NKD1: variants seen among roughly 807,000 people sequenced by gnomAD.
NKD1 encodes the protein NKD inhibitor of Wnt signaling pathway 1, also known as protein naked cuticle homolog 1.
In NKD1, 21 loss-of-function variants were observed where a neutral mutation model predicts 56.0. The ratio of observed to expected loss-of-function variants is 0.38; its 90% CI spans 0.27 to 0.54. The LOEUF (loss-of-function observed/expected upper bound fraction) is 0.54, where lower values mean the gene tolerates loss of function less well. NKD1 is among the 20% of genes least tolerant of loss of function. The pLI, the probability that NKD1 is intolerant of heterozygous loss-of-function variation, is 0.82. For synonymous variants in NKD1, 263 were observed against 265.7 expected (o/e 0.99, Z 0.10); for missense variants, 578 against 642.7 (o/e 0.90, Z 1.09).
intron 4 of NKD1, among the ~76,000 whole-genome samples, chr16:50,613,010 G>A (rs571189582): frequency 6.6e-6 from 1 of 152,288 alleles, no homozygotes; most frequent in South Asian, 2.1e-4. Context: ...TGGGGCTGGG[G>A]AGAGGTCCAT....
At chr16:50,630,797 G>T in intron 7 of NKD1, 29 bp from the exon 8 acceptor site, 1 of 1,556,794 alleles carries the variant, frequency 6.4e-7, no homozygotes. Context: ...CTCACCTGGT[G>T]TCTCCTGTGC....
In NKD1 at chr16:50,623,660, G is replaced by A. The variant is rs1295221998; in HGVS notation, c.367-1825G>A. Among the ~76,000 whole-genome samples, 2 of 152,000 alleles carry A rather than the reference G, an allele frequency of 1.3e-5. No homozygotes were observed. Among genetic ancestry groups the A allele is most frequent in the Non-Finnish European group, 2.9e-5 (2 of 67,992 alleles). On this transcript the variant is annotated intron_variant, in intron 5 of 9. Coordinates refer to ENST00000268459, the MANE Select transcript of NKD1 (RefSeq NM_033119.5). This position sits in a 1 kb window ranked among gnomAD's most constrained non-coding sequence, Gnocchi z 4.1. ...GACCCGCATGTGACAGGTGGGACAAGTGGCCAGTTACTCAACTCATGTTTC... is the reference window on the plus strand; with the variant it reads ...GACCCGCATGTGACAGGTGGGACAAATGGCCAGTTACTCAACTCATGTTTC...
chr16:50,571,433 G>A, intron 3 of NKD1: 1 of 971,698 alleles, frequency 1.0e-6, no homozygotes, highest in Non-Finnish European at 1.2e-6. Context: ...AGTTTCAAGT[G>A]CTCCGAAGAC....
At chr16:50,626,411 G>T (rs1022616127) in intron 6 of NKD1, among the ~76,000 whole-genome samples, 1 of 152,234 alleles carries the variant, frequency 6.6e-6, no homozygotes, top group South Asian at 2.1e-4. Context: ...ACAGAGACTG[G>T]CTGGAAGGTC....
rs576695198 is a variant in NKD1, at chr16:50,639,627, T to G, written c.*5846T>G. Reference sequence around the variant, plus strand: ...TGCAGCAGAGGATGAGGCTGGCGGATTTAGTAAGAGCCCTCTGTGTTTGGG... The same window carrying G: ...TGCAGCAGAGGATGAGGCTGGCGGAGTTAGTAAGAGCCCTCTGTGTTTGGG... On this transcript the variant is annotated 3_prime_UTR_variant, in exon 10 of 10. Transcript: ENST00000268459. 6.2e-4 allele frequency: 94 copies of G among 152,340 alleles called. 1 individual carries two copies. The highest frequency in any genetic ancestry group is 2.2e-3 in the African/African-American group (91 of 41,562). 9.4% of individuals were successfully genotyped at this position (152,340 alleles called of 1,614,324 possible). A position where few individuals can be genotyped will look rare whatever the true frequency, so the allele number is the denominator to read the frequency against.
intron 3 of NKD1, among the ~76,000 whole-genome samples, chr16:50,602,099 G>A (rs1030422929): frequency 3.3e-5 from 5 of 152,342 alleles, no homozygotes; most frequent in Middle Eastern, 3.4e-3. Flanking sequence ...TCAGCCTGCC[G>A]AGCTTGTAGG....
chr16:50,625,457 C>T, intron 5 of NKD1, 28 bp from the exon 6 acceptor site: 3 of 1,531,330 alleles, frequency 2.0e-6, no homozygotes, highest in Non-Finnish European at 2.7e-6. Flanking sequence ...AGATAGGGGA[C>T]CAGCCCCGCC....
chr16:50,571,380 G>A (rs969842409), intron 3 of NKD1: 1 of 586,048 alleles, frequency 1.7e-6, no homozygotes, highest in Non-Finnish European at 2.2e-6. Flanking sequence ...TGGAACCAGG[G>A]TTTGTGCACA....
chr16:50,594,819 G>A (rs1031187618), intron 3 of NKD1, among the ~76,000 whole-genome samples: 18 of 151,892 alleles, frequency 1.2e-4, no homozygotes, highest in Admixed American at 7.9e-4. Context: ...ACACAGACCC[G>A]GGGGGATCTG....
intron 3 of NKD1, among the ~76,000 whole-genome samples, chr16:50,585,728 A>T (rs988237933): frequency 2.6e-4 from 39 of 152,112 alleles, no homozygotes; most frequent in African/African-American, 9.2e-4. Flanking sequence ...GTGCTCTGTG[A>T]CACTGTGGTC....
At chr16:50,574,616 C>A in intron 3 of NKD1, 1 of 985,342 alleles carries the variant, frequency 1.0e-6, no homozygotes, top group African/African-American at 1.7e-5. Context: ...TGGCCTCCAG[C>A]GGGCAGGAGG....
intron 3 of NKD1, among the ~76,000 whole-genome samples, chr16:50,552,716 G>A (rs958915483): frequency 1.4e-4 from 21 of 152,216 alleles, no homozygotes; most frequent in African/African-American, 5.1e-4. Flanking sequence ...GGGTTATGAT[G>A]GGATTATAAC....
Position 50,640,019 on chromosome 16 carries a change from G to A in NKD1, c.*6238G>A, listed in dbSNP as rs1182888254. The A allele has an allele frequency of 1.3e-5, 2 of 152,186 alleles. No individual in the cohort carries two copies. Among genetic ancestry groups the A allele is most frequent in the African/African-American group, 4.8e-5 (2 of 41,414 alleles). The allele number at this position is 152,186 out of a possible 1,614,324, so 9.4% of individuals were successfully genotyped here. On this transcript the variant is annotated 3_prime_UTR_variant, in exon 10 of 10. Transcript: ENST00000268459. ...TCAGGCTTGGTTCCAAGCTTATGGG[G>A]GCCCTGTCCTTCCCCTAGTAGGGTT...
chr16:50,621,741 G>A, intron 5 of NKD1, 33 bp downstream of exon 5: 1 of 1,518,672 alleles, frequency 6.6e-7, no homozygotes, highest in South Asian at 1.2e-5. Flanking sequence ...GTCCTGAGGA[G>A]ATGAGATGGG....
At chr16:50,629,563 A>G (rs958928978) in intron 6 of NKD1, among the ~76,000 whole-genome samples, 9 of 152,308 alleles carry the variant, frequency 5.9e-5, no homozygotes, top group Admixed American at 3.9e-4. Context: ...TCTCAGGTAC[A>G]AGGAGTTGGC....
chr16:50,575,641 C>G (rs1960978822), intron 3 of NKD1, among the ~76,000 whole-genome samples: 1 of 152,204 alleles, frequency 6.6e-6, no homozygotes, highest in South Asian at 2.1e-4. Context: ...GGTGGAGGCT[C>G]TGGCCAGTGA....
chr16:50,593,157 A>C (rs1961405047), intron 3 of NKD1, among the ~76,000 whole-genome samples: 2 of 152,220 alleles, frequency 1.3e-5, no homozygotes, highest in South Asian at 4.2e-4. Context: ...TAGTGAAATT[A>C]AACATGTTCT....
At chr16:50,613,341 T>G (rs564119163) in intron 4 of NKD1, among the ~76,000 whole-genome samples, 1 of 152,112 alleles carries the variant, frequency 6.6e-6, no homozygotes, top group South Asian at 2.1e-4. Flanking sequence ...TGCCCGGGAC[T>G]CTCGGGCAAG....
intron 3 of NKD1, chr16:50,606,816 G>A (rs771163942): frequency 8.8e-6 from 4 of 456,704 alleles, no homozygotes; most frequent in Non-Finnish European, 1.3e-5. Flanking sequence ...GGGAAGCTCT[G>A]CCTACCAGCC....
Sources: allele counts gnomAD v4.1 joint callset (sites outside exome capture counted in the v4.1 genomes callset), GRCh38; gene constraint gnomAD v4.1.1; non-coding constraint Gnocchi (gnomAD v3.1); transcripts MANE v1.5; gene names NCBI Gene and HGNC (gene_info 2026-07-23, HGNC 2026-07-21).